Variants in DYRK1A observed in about 807,000 individuals in gnomAD.
DYRK1A encodes the protein dual specificity tyrosine phosphorylation regulated kinase 1A.
Under a neutral mutation model 79.7 loss-of-function variants are expected in DYRK1A, and 9 were observed. That is an observed-to-expected ratio of 0.11 (90% CI 0.07 to 0.20). The LOEUF (loss-of-function observed/expected upper bound fraction) is 0.20. Ranked by LOEUF, DYRK1A falls within the 10% of genes least tolerant of loss-of-function variation. The pLI is 1.00. For missense variants in DYRK1A, 622 were observed against 956.0 expected (o/e 0.65, Z 4.61); for synonymous variants, 349 against 329.7 (o/e 1.06, Z -0.63).
At position 37,512,173 on chromosome 21, in the gene DYRK1A, C is replaced by G; in HGVS notation, c.1907C>G (p.Ser636Cys). ...ACGAATAGCTCCTCTACCCAAGATT[C>G]TATGGAGGTTGGCCACAGTCACCAC... ...SPTNSSSTQD[S>C]MEVGHSHHSM... Residue 636 changes from serine to cysteine, a missense_variant, in exon 12 of 12, where the codon TCT (serine) becomes TGT (cysteine). Around this residue, in one of 5 missense-constraint regions of DYRK1A, gnomAD observed 292 missense variants for 316.7 expected, o/e 0.92. Transcript: ENST00000647188. 4.3e-6 allele frequency: 7 copies of G among 1,614,244 alleles called. No homozygotes were observed. Among genetic ancestry groups the G allele is most frequent in the Non-Finnish European group, 5.9e-6 (7 of 1,180,046 alleles).
chr21:37,414,072 T>G (rs1008239411), intron 1 of DYRK1A, among the ~76,000 whole-genome samples: 1 of 152,070 alleles, frequency 6.6e-6, no homozygotes, highest in African/African-American at 2.4e-5. Context: ...AAGATATATA[T>G]GTATATATAC....
At chr21:37,391,972 T>C (rs996117092) in intron 1 of DYRK1A, among the ~76,000 whole-genome samples, 1 of 152,252 alleles carries the variant, frequency 6.6e-6, no homozygotes, top group Non-Finnish European at 1.5e-5. Context: ...TTGTTGCCTG[T>C]TATCATTTTC....
chr21:37,407,700 T>C (rs958582323), intron 1 of DYRK1A, among the ~76,000 whole-genome samples: 1 of 152,246 alleles, frequency 6.6e-6, no homozygotes, highest in Non-Finnish European at 1.5e-5. Flanking sequence ...TTAGATATCA[T>C]GAAGAATGTG....
chr21:37,463,202 A>ATGTGTGTGTGTGTGTGTG (rs1569345120), intron 2 of DYRK1A, among the ~76,000 whole-genome samples: 4 of 35,636 alleles, frequency 1.1e-4, no homozygotes, highest in African/African-American at 5.4e-4. Flanking sequence ...TAATGTTGGC[A>ATGTGTGTGTGTGTGTGTG]CGTGTGTGTG....
chr21:37,500,284 A>G (rs1381127345), intron 9 of DYRK1A, among the ~76,000 whole-genome samples: 1 of 152,102 alleles, frequency 6.6e-6, no homozygotes, highest in African/African-American at 2.4e-5. Flanking sequence ...AAATGCATTA[A>G]TTTTTTGAAT....
intron 2 of DYRK1A, among the ~76,000 whole-genome samples, chr21:37,458,588 G>T (rs1569341083): frequency 6.6e-6 from 1 of 152,084 alleles, no homozygotes. Flanking sequence ...TCATGTGTAA[G>T]AAGACCGGGT....
rs531979645 is a variant in DYRK1A at position 37,435,839 on chromosome 21, T to G, written c.10+15455T>G. 3.3e-5 allele frequency among the ~76,000 whole-genome samples: 5 copies of G among 152,330 alleles called. No homozygotes were observed. In the East Asian group the frequency reaches 9.6e-4, roughly 29 times the overall value. On this transcript the variant is annotated intron_variant, in intron 2 of 11. Coordinates refer to ENST00000647188, the MANE Select transcript of DYRK1A (RefSeq NM_001347721.2). The stretch of plus-strand genomic sequence containing the variant: ...TAAGAGCATAAACTTGAATTCCCTG[T>G]TCTTCTTCTGTTGAATTTGAAGATC...
At position 37,505,889 on chromosome 21, in the gene DYRK1A, A is replaced by G. The variant is rs551941979; in HGVS notation, c.1520-210A>G. Among the ~76,000 whole-genome samples the G allele has an allele frequency of 5.3e-5, 8 of 152,258 alleles. No homozygotes were observed. In the East Asian group the frequency reaches 9.7e-4, roughly 18 times the overall value. On this transcript the variant is annotated intron_variant, in intron 10 of 11. Transcript: ENST00000647188. Reference sequence around the variant, plus strand: ...TTTTCCCCTACCTTAACCAGACTTCATTGTATTTTAGTTAAGTGGTGGACG... The same window carrying G: ...TTTTCCCCTACCTTAACCAGACTTCGTTGTATTTTAGTTAAGTGGTGGACG...
At chr21:37,480,881 T>G in intron 5 of DYRK1A, 55 bp downstream of exon 5, 1 of 1,439,752 alleles carries the variant, frequency 6.9e-7, no homozygotes, top group Non-Finnish European at 9.4e-7. Context: ...TCTTAGTGAA[T>G]CTTGTTGTTA....
intron 2 of DYRK1A, among the ~76,000 whole-genome samples, chr21:37,444,550 A>G (rs919834519): frequency 2.6e-5 from 4 of 151,766 alleles, no homozygotes; most frequent in African/African-American, 9.7e-5. Flanking sequence ...GTGGGGAGTC[A>G]TGAGGTAAGA....
chr21:37,503,281 CTCTG>C (rs970558411), intron 9 of DYRK1A: 3 of 152,304 alleles, frequency 2.0e-5, no homozygotes, highest in Admixed American at 6.5e-5. Context: ...TCCCAGAGGT[CTCTG>C]TCTGGTTTAT....
intron 3 of DYRK1A, among the ~76,000 whole-genome samples, chr21:37,474,536 G>A (rs1469531419): frequency 1.3e-5 from 2 of 152,156 alleles, no homozygotes; most frequent in Non-Finnish European, 2.9e-5. Context: ...GCATAGTCTA[G>A]TCATAGGACC....
upstream of DYRK1A, chr21:37,366,022 A>T (rs1415588828): frequency 6.6e-6 from 1 of 151,916 alleles, no homozygotes; most frequent in Non-Finnish European, 1.5e-5. Context: ...AATTCCTGCG[A>T]TGTCTGGGGC....
At chr21:37,412,619 G>T (rs991691910) in intron 1 of DYRK1A, among the ~76,000 whole-genome samples, 3 of 152,152 alleles carry the variant, frequency 2.0e-5, no homozygotes, top group Non-Finnish European at 4.4e-5. Flanking sequence ...TAAGGACTTG[G>T]TTCAGGTGAC....
chr21:37,379,740 C>A (rs1236934344), intron 1 of DYRK1A, among the ~76,000 whole-genome samples: 1 of 152,152 alleles, frequency 6.6e-6, no homozygotes, highest in Admixed American at 6.5e-5. Flanking sequence ...TTCATTTTTT[C>A]TGAGCATCTT....
intron 6 of DYRK1A, chr21:37,487,830 C>A (rs2052927659): frequency 6.6e-6 from 1 of 151,536 alleles, no homozygotes; most frequent in African/African-American, 2.4e-5. Flanking sequence ...ATAATAATAC[C>A]ATTCTTATCT....
At chr21:37,381,618 T>C (rs778101480) in intron 1 of DYRK1A, among the ~76,000 whole-genome samples, 1 of 152,132 alleles carries the variant, frequency 6.6e-6, no homozygotes, top group Non-Finnish European at 1.5e-5. Context: ...TTGTAGTAGC[T>C]TTCAGGTGCA....
At position 37,465,092 on chromosome 21, in the gene DYRK1A, C is replaced by T. The variant is rs368782253; in HGVS notation, c.11-7592C>T. The stretch of plus-strand genomic sequence containing the variant: ...CAATGAGCATGTGGCAAGCACACCT[C>T]GTTTATATACCATGTTTACCAGCAG... On this transcript the variant is annotated intron_variant, in intron 2 of 11. Coordinates refer to ENST00000647188, the MANE Select transcript of DYRK1A (RefSeq NM_001347721.2). Among the ~76,000 whole-genome samples, 7 of 152,188 alleles carry T rather than the reference C, an allele frequency of 4.6e-5. No individual in the cohort carries two copies. The East Asian group carries it at 5.8e-4, about 13-fold the overall frequency.
At chr21:37,420,665 T>A (rs904748458) in intron 2 of DYRK1A, among the ~76,000 whole-genome samples, 2 of 152,144 alleles carry the variant, frequency 1.3e-5, no homozygotes, top group Non-Finnish European at 2.9e-5. Context: ...ATTCTGTTAA[T>A]GTAAATAACA....
Sources: allele counts gnomAD v4.1 joint callset (sites outside exome capture counted in the v4.1 genomes callset), GRCh38; gene constraint gnomAD v4.1.1; regional missense constraint gnomAD v4.1.1; transcripts MANE v1.5; gene names NCBI Gene and HGNC (gene_info 2026-07-23, HGNC 2026-07-21).